The following PKIA variants were observed in gnomAD, a reference collection of about 807,000 sequenced individuals.
PKIA encodes the protein PKI-alpha.
PKIA carries 4 observed loss-of-function variants against 7.6 expected under a neutral mutation model. The ratio of observed to expected loss-of-function variants is 0.52; its 90% CI spans 0.26 to 1.20. The LOEUF (loss-of-function observed/expected upper bound fraction) is 1.20, where lower values mean the gene tolerates loss of function less well. PKIA is among the 50% of genes most tolerant of loss of function. PKIA has a pLI of 0.13. For synonymous variants in PKIA, 21 were observed against 30.7 expected (o/e 0.68, Z 1.04); for missense variants, 73 against 86.2 (o/e 0.85, Z 0.61).
chr8:78,585,036 T>C (rs1466364152), intron 2 of PKIA, among the ~76,000 whole-genome samples: 1 of 152,020 alleles, frequency 6.6e-6, no homozygotes, highest in Non-Finnish European at 1.5e-5. Context: ...ATACAACATG[T>C]CATGATTTTC....
chr8:78,518,446 C>T (rs1245912449), intron 1 of PKIA, among the ~76,000 whole-genome samples: 2 of 152,120 alleles, frequency 1.3e-5, no homozygotes, highest in Admixed American at 6.5e-5. Context: ...TAACCATATA[C>T]ATCATTATTC....
intron 3 of PKIA, 47 bp downstream of exon 3, chr8:78,598,582 G>A (rs866018828): frequency 1.8e-5 from 27 of 1,498,080 alleles, no homozygotes; most frequent in Admixed American, 3.5e-5. Flanking sequence ...AATGATTTGC[G>A]GCATTTTACT....
At chr8:78,560,973 G>A (rs1807269938) in intron 1 of PKIA, among the ~76,000 whole-genome samples, 1 of 152,014 alleles carries the variant, frequency 6.6e-6, no homozygotes, top group African/African-American at 2.4e-5. Flanking sequence ...TATCAGCATG[G>A]GTCTTTACCT....
chr8:78,584,077 C>T (rs939436501), intron 2 of PKIA, among the ~76,000 whole-genome samples: 17 of 152,038 alleles, frequency 1.1e-4, no homozygotes, highest in African/African-American at 4.1e-4. Context: ...TTCCCCTACT[C>T]ATTTGCATTT....
intron 2 of PKIA, among the ~76,000 whole-genome samples, chr8:78,574,627 G>A (rs1368527584): frequency 2.0e-5 from 3 of 151,908 alleles, no homozygotes; most frequent in Non-Finnish European, 4.4e-5. Flanking sequence ...ATAGCACACT[G>A]AAACTGGTTT....
At chr8:78,542,594 C>CT (rs1247646025) in intron 1 of PKIA, among the ~76,000 whole-genome samples, 5 of 152,072 alleles carry the variant, frequency 3.3e-5, no homozygotes, top group African/African-American at 9.7e-5. Flanking sequence ...CATATGTTTG[C>CT]TTTTTTTCCA....
In PKIA at chr8:78,604,249, C is replaced by T. The variant is rs1808421528; in HGVS notation, c.*2428C>T. The T allele has an allele frequency of 6.6e-6, 1 of 151,960 alleles. No homozygotes were observed. Among genetic ancestry groups the T allele is most frequent in the African/African-American group, 2.4e-5 (1 of 41,390 alleles). 9.4% of individuals were successfully genotyped at this position (151,960 alleles called of 1,614,324 possible). On this transcript the variant is annotated 3_prime_UTR_variant, in exon 4 of 4. Transcript: ENST00000396418. ...AATGGCTTTGCAGCTCCTATTCTCCCATTTGATCCTCAAACAATTCTATTA... is the reference window on the plus strand; with the variant it reads ...AATGGCTTTGCAGCTCCTATTCTCCTATTTGATCCTCAAACAATTCTATTA...
In PKIA at chr8:78,605,166, C is replaced by A. The variant is rs1208644029; in HGVS notation, c.*3345C>A. On this transcript the variant is annotated 3_prime_UTR_variant, in exon 4 of 4. Coordinates refer to ENST00000396418, the MANE Select transcript of PKIA (RefSeq NM_006823.4). ...AATTGTTCTTTAATTACAAGAGTGG[C>A]AGTCTCTGAAGTCATTTGTGAGCTT... The A allele has an allele frequency of 6.6e-6, 1 of 151,956 alleles. No individual in the cohort carries two copies. The highest frequency in any genetic ancestry group is 2.1e-4 in the South Asian group (1 of 4,824). The allele number at this position is 151,956 out of a possible 1,614,324, so 9.4% of individuals were successfully genotyped here. A position where few individuals can be genotyped will look rare whatever the true frequency, so the allele number is the denominator to read the frequency against.
chr8:78,587,956 A>G lies in PKIA; in HGVS notation c.-27-10402A>G, dbSNP rs528081982. On this transcript the variant is annotated intron_variant, in intron 2 of 3. Coordinates refer to ENST00000396418, the MANE Select transcript of PKIA (RefSeq NM_006823.4). ...TTAAACAAGGAGGATCTTGAGTAAGATAATCAAGAACAATCTACATAATAC... is the reference window on the plus strand; with the variant it reads ...TTAAACAAGGAGGATCTTGAGTAAGGTAATCAAGAACAATCTACATAATAC... Among the ~76,000 whole-genome samples the G allele has an allele frequency of 7.1e-4, 108 of 152,340 alleles. No individual in the cohort carries two copies. The South Asian group carries it at 7.9e-3, about 11-fold the overall frequency.
intron 2 of PKIA, among the ~76,000 whole-genome samples, chr8:78,581,913 G>C (rs537304772): frequency 6.6e-6 from 1 of 152,180 alleles, no homozygotes; most frequent in East Asian, 1.9e-4. Context: ...GGGGTTGACA[G>C]GGCATTGTGT....
intron 2 of PKIA, among the ~76,000 whole-genome samples, chr8:78,587,185 G>A (rs754724814): frequency 7.2e-5 from 11 of 152,114 alleles, no homozygotes; most frequent in Non-Finnish European, 1.5e-4. Context: ...TAACATAGGA[G>A]GGCAAGTCAT....
intron 1 of PKIA, among the ~76,000 whole-genome samples, chr8:78,557,167 TTAATA>T (rs1807161137): frequency 6.6e-6 from 1 of 152,120 alleles, no homozygotes; most frequent in Non-Finnish European, 1.5e-5. Flanking sequence ...GTGACGCCAA[TTAATA>T]TAATTACTAA....
intron 1 of PKIA, among the ~76,000 whole-genome samples, chr8:78,561,394 T>C (rs1266620927): frequency 6.6e-6 from 1 of 151,978 alleles, no homozygotes; most frequent in Admixed American, 6.6e-5. Context: ...ACAGAAATGC[T>C]CCTTCTTCCT....
At chr8:78,537,601 G>A (rs544560669) in intron 1 of PKIA, among the ~76,000 whole-genome samples, 2 of 33,408 alleles carry the variant, frequency 6.0e-5, no homozygotes, top group Admixed American at 4.2e-4. Context: ...ACCCCCCACC[G>A]CCAACAACTA....
At chr8:78,561,883 A>G (rs1807293889) in intron 1 of PKIA, among the ~76,000 whole-genome samples, 1 of 152,162 alleles carries the variant, frequency 6.6e-6, no homozygotes, top group South Asian at 2.1e-4. Flanking sequence ...TAGCTGCTCT[A>G]TTATTAATTA....
chr8:78,555,180 G>A (rs1473312742), intron 1 of PKIA, among the ~76,000 whole-genome samples: 6 of 151,948 alleles, frequency 3.9e-5, no homozygotes, highest in African/African-American at 1.4e-4. Flanking sequence ...ACATATATTT[G>A]CATAAGTTTC....
intron 1 of PKIA, among the ~76,000 whole-genome samples, chr8:78,557,113 G>C (rs1483452549): frequency 6.6e-6 from 1 of 152,052 alleles, no homozygotes; most frequent in African/African-American, 2.4e-5. Context: ...TTCACAGTCA[G>C]ATAATTCTTG....
At chr8:78,516,641 AGG>A (rs1271711163) in intron 1 of PKIA, among the ~76,000 whole-genome samples, 173 bp downstream of exon 1, 3 of 152,370 alleles carry the variant, frequency 2.0e-5, no homozygotes, top group Admixed American at 2.0e-4. Context: ...CAGAGGTTGG[AGG>A]AGCAGTGTTA....
chr8:78,524,204 A>T lies in PKIA; in HGVS notation c.-157+7736A>T, dbSNP rs1003673032. Among the ~76,000 whole-genome samples, 12 of 107,918 alleles carry T rather than the reference A, an allele frequency of 1.1e-4. 1 individual carries two copies. Among genetic ancestry groups the T allele is most frequent in the African/African-American group, 5.1e-4 (12 of 23,320 alleles). 70.8% of individuals were successfully genotyped at this position (107,918 alleles called of 152,430 possible). Reference sequence around the variant, plus strand: ...TATTTATATATAAACATTTATATTTATATATATATAAACATTTATATTTAT... The same window carrying T: ...TATTTATATATAAACATTTATATTTTTATATATATAAACATTTATATTTAT... On this transcript the variant is annotated intron_variant, in intron 1 of 3. Coordinates refer to ENST00000396418, the MANE Select transcript of PKIA (RefSeq NM_006823.4).
Sources: gnomAD v4.1 joint callset for allele counts (sites outside exome capture counted in the v4.1 genomes callset) on GRCh38, gnomAD v4.1.1 for gene constraint, MANE v1.5 for transcripts, NCBI Gene and HGNC (gene_info 2026-07-23, HGNC 2026-07-21) for gene names.